The following SYTL2 variants were observed in gnomAD, a reference collection of about 807,000 sequenced individuals.
SYTL2 encodes synaptotagmin-like protein 2.
SYTL2 carries 165 observed loss-of-function variants against 198.7 expected under a neutral mutation model. The observed-to-expected ratio is 0.83, with a 90% CI of 0.73 to 0.94. The LOEUF is 0.94. Among genes scored for constraint, SYTL2 ranks in the 40% least tolerant of loss-of-function variants. The pLI is 0.00. For synonymous variants in SYTL2, 966 were observed against 917.7 expected, an observed-to-expected ratio of 1.05 and a Z score of -0.95; for missense variants, 2,835 against 2,582.8, an observed-to-expected ratio of 1.10 and a Z score of -2.12.
the SYTL2 span, among the ~76,000 whole-genome samples, chr11:85,849,622 C>A: frequency 6.7e-6 from 1 of 150,140 alleles, no homozygotes; most frequent in East Asian, 2.0e-4. Context: ...TTTCTGAGGG[C>A]TCTGTTCTGT....
chr11:85,847,523 T>C, the SYTL2 span, among the ~76,000 whole-genome samples: 4 of 152,194 alleles, frequency 2.6e-5, no homozygotes, highest in Non-Finnish European at 5.9e-5. Context: ...AGTATATGTG[T>C]TTAACCTTAT....
At chr11:85,795,994 T>A (rs1021186823) in intron 1 of SYTL2, among the ~76,000 whole-genome samples, 1 of 152,202 alleles carries the variant, frequency 6.6e-6, no homozygotes, top group African/African-American at 2.4e-5. Context: ...ACCAGAAGCT[T>A]AAACTTCTTC....
At chr11:85,794,348 T>G (rs1195467699) in intron 1 of SYTL2, among the ~76,000 whole-genome samples, 2 of 151,998 alleles carry the variant, frequency 1.3e-5, no homozygotes, top group Admixed American at 1.3e-4. Flanking sequence ...CCAGCTAATT[T>G]TTAAATTTTT....
At chr11:85,809,955 C>G (rs777927450) in intron 1 of SYTL2, among the ~76,000 whole-genome samples, 8 of 152,240 alleles carry the variant, frequency 5.3e-5, no homozygotes, top group Non-Finnish European at 1.2e-4. Flanking sequence ...AATCATCCTA[C>G]TCTATCTGGC....
At position 85,724,200 on chromosome 11, in the gene SYTL2, G is replaced by A. The variant is rs756320618; in HGVS notation, c.5158C>T (p.Pro1720Ser). The A allele has an allele frequency of 3.1e-6, 5 of 1,597,138 alleles. No homozygotes were observed. The South Asian group carries it at 5.7e-5, about 18-fold the overall frequency. The change falls in exon 8 of 20, where the codon CCT becomes TCT. Residue 1720 changes from proline (P) to serine (S), a missense_variant. Around this residue, in one of 3 missense-constraint regions of SYTL2, gnomAD observed 2,645 missense variants for 2,381.7 expected, o/e 1.11. Coordinates refer to ENST00000359152, the MANE Select transcript of SYTL2 (RefSeq NM_206927.4). ...GAGTTTTCTTTGTTCATCAGGAGAG[G>A]AATGGGTTGCCTATTTCTGGACACA... ...ISVSRNRQPI[P>S]LLMNKENSTK...
chr11:85,802,181 T>C (rs1266982240), intron 1 of SYTL2, among the ~76,000 whole-genome samples: 3 of 151,556 alleles, frequency 2.0e-5, no homozygotes, highest in Non-Finnish European at 2.9e-5. Context: ...TCCTTCAACG[T>C]TTCCTCCCCA....
At chr11:85,719,489 G>C (rs1023342107) in intron 9 of SYTL2, 1 of 217,270 alleles carries the variant, frequency 4.6e-6, no homozygotes, top group Admixed American at 6.3e-5. Flanking sequence ...TTGCTAAATG[G>C]GCCAATTGTT....
intron 11 of SYTL2, 65 bp from the exon 12 acceptor site, chr11:85,714,572 T>A: frequency 6.4e-7 from 1 of 1,571,976 alleles, no homozygotes; most frequent in Non-Finnish European, 8.7e-7. Context: ...AGACATTAAG[T>A]TGAAAACATA....
chr11:85,751,184 C>T (rs1471916439), intron 2 of SYTL2, among the ~76,000 whole-genome samples: 2 of 152,146 alleles, frequency 1.3e-5, no homozygotes, highest in Non-Finnish European at 2.9e-5. Flanking sequence ...TAGTTAAGTG[C>T]CACTTACATA....
chr11:85,797,853 GT>G (rs2092826666), intron 1 of SYTL2, among the ~76,000 whole-genome samples: 1 of 151,558 alleles, frequency 6.6e-6, no homozygotes. Context: ...TGTTGTTGTT[GT>G]TGTTGTTCTT....
chr11:85,741,209 A>C (rs1284483061), intron 4 of SYTL2, among the ~76,000 whole-genome samples: 1 of 152,094 alleles, frequency 6.6e-6, no homozygotes, highest in Non-Finnish European at 1.5e-5. Context: ...CATCCCCAGC[A>C]CCCAGAACTG....
chr11:85,833,127 G>GA, the SYTL2 span, among the ~76,000 whole-genome samples: 2 of 109,560 alleles, frequency 1.8e-5, no homozygotes, highest in East Asian at 4.4e-4. Flanking sequence ...AGGAAGGAAG[G>GA]AAGGAAGGAA....
intron 16 of SYTL2, among the ~76,000 whole-genome samples, chr11:85,702,280 C>A (rs2084434050): frequency 6.6e-6 from 1 of 151,462 alleles, no homozygotes; most frequent in Admixed American, 6.6e-5. Flanking sequence ...ACCACCACCT[C>A]CTGGGTTCAA....
chr11:85,839,926 C>G, the SYTL2 span, among the ~76,000 whole-genome samples: 2 of 152,186 alleles, frequency 1.3e-5, no homozygotes, highest in Non-Finnish European at 2.9e-5. Context: ...TCCCATTTCT[C>G]CACATCCTCG....
chr11:85,734,295 C>T lies in SYTL2; in HGVS notation c.1034G>A (p.Ser345Asn). Residue 345 changes from serine to asparagine, a missense_variant, in exon 7 of 20, where the codon AGT becomes AAT. Physicochemically the swap from Ser to Asn is conservative, Grantham distance 46. This residue lies in a region of SYTL2 where 2,645 missense variants were observed against 2,381.7 expected (regional missense o/e 1.11). Coordinates refer to ENST00000359152, the MANE Select transcript of SYTL2 (RefSeq NM_206927.4). ...TTCCCGACCATGGATTAGCCCAGGA[C>T]TCTGTGGAAGCTCATCCTTCACTGC... ...FSAVKDELPQSPGLIHGREVG... is the reference protein window; with the variant it reads ...FSAVKDELPQNPGLIHGREVG... 1 of 1,614,158 alleles carries T rather than the reference C, an allele frequency of 6.2e-7. No individual in the cohort carries two copies. Among genetic ancestry groups the T allele is most frequent in the Non-Finnish European group, 8.5e-7 (1 of 1,180,002 alleles).
chr11:85,784,566 T>C (rs2092608064), intron 1 of SYTL2, among the ~76,000 whole-genome samples: 1 of 152,190 alleles, frequency 6.6e-6, no homozygotes, highest in Non-Finnish European at 1.5e-5. Context: ...AGGAGAATAG[T>C]AAGGCTGAAT....
chr11:85,818,386 G>T, the SYTL2 span, among the ~76,000 whole-genome samples: 3 of 152,106 alleles, frequency 2.0e-5, no homozygotes, highest in Non-Finnish European at 4.4e-5. Context: ...AGAATTCAAA[G>T]ATGAATCAGA....
In SYTL2 at chr11:85,725,901, C is replaced by T; in HGVS notation, c.3457G>A (p.Gly1153Arg). 1 of 1,613,834 alleles carries T rather than the reference C, an allele frequency of 6.2e-7. No homozygotes were observed. The change falls in exon 8 of 20, where the codon GGA becomes AGA. Residue 1153 changes from glycine to arginine, a missense_variant. Transcript: ENST00000359152. ...TSTPAIQPSG[G>R]KVHGKQVLEP... ...AGCACTTGTTTTCCATGAACTTTTC[C>T]ACCAGAGGGTTGAATTGCTGGTGTT...
the SYTL2 span, among the ~76,000 whole-genome samples, chr11:85,846,772 C>T: frequency 3.0e-4 from 45 of 148,866 alleles, no homozygotes; most frequent in African/African-American, 9.7e-4. Context: ...CTCGCTGTCG[C>T]CCAGGCTGGA....
Sources: gnomAD v4.1 joint callset for allele counts (sites outside exome capture counted in the v4.1 genomes callset) on GRCh38, gnomAD v4.1.1 for gene constraint, gnomAD v4.1.1 regional missense constraint, MANE v1.5 for transcripts, NCBI Gene and HGNC (gene_info 2026-07-23, HGNC 2026-07-21) for gene names.